FIRRM: variants seen among roughly 807,000 people sequenced by gnomAD.
FIRRM encodes FIGNL1-interacting regulator of recombination and mitosis.
At chr1:169,853,898 G>GTAAAA in the FIRRM span, 9 of 1,021,744 alleles carry the variant, frequency 8.8e-6, no homozygotes, top group Admixed American at 2.2e-5. Context: ...CTCGTACTAA[G>GTAAAA]TAAAATAACT....
the FIRRM span, chr1:169,836,988 T>C: frequency 6.9e-5 from 112 of 1,613,790 alleles, no homozygotes; most frequent in South Asian, 2.2e-4. Flanking sequence ...TGGCAACATA[T>C]TTCCTTCCAG....
At chr1:169,803,363 G>A in the FIRRM span, 8 of 1,489,932 alleles carry the variant, frequency 5.4e-6, no homozygotes, top group African/African-American at 2.8e-5. Flanking sequence ...GTGCATAGGG[G>A]CTGAGTAAAA....
At chr1:169,824,076 CT>C in the FIRRM span, among the ~76,000 whole-genome samples, 1 of 152,146 alleles carries the variant, frequency 6.6e-6, no homozygotes, top group African/African-American at 2.4e-5. Context: ...TTTTTCACAC[CT>C]TTCCTTCCTC....
At chr1:169,826,073 CTT>C in the FIRRM span, 17 of 322,516 alleles carry the variant, frequency 5.3e-5, no homozygotes, top group South Asian at 1.4e-4. Context: ...TTTAAAACAA[CTT>C]TTTTTTTCTT....
At chr1:169,830,019 A>G in the FIRRM span, among the ~76,000 whole-genome samples, 3 of 152,186 alleles carry the variant, frequency 2.0e-5, no homozygotes, top group African/African-American at 7.2e-5. Flanking sequence ...CTGAGTTATT[A>G]CATTTAAAAT....
the FIRRM span, among the ~76,000 whole-genome samples, chr1:169,841,509 A>T: frequency 1.3e-5 from 2 of 152,348 alleles, no homozygotes; most frequent in East Asian, 3.9e-4. Flanking sequence ...TTACATTCTC[A>T]TAAGACCTTC....
At chr1:169,793,401 C>T in the FIRRM span, 14 of 1,614,094 alleles carry the variant, frequency 8.7e-6, no homozygotes, top group Middle Eastern at 1.6e-4. Flanking sequence ...TCTTTGGCAG[C>T]TCTCAAGGAG....
chr1:169,793,409 G>A, the FIRRM span: 4 of 1,614,038 alleles, frequency 2.5e-6, no homozygotes, highest in African/African-American at 2.7e-5. Flanking sequence ...AGCTCTCAAG[G>A]AGGGCTGTTT....
chr1:169,797,445 A>G, the FIRRM span, among the ~76,000 whole-genome samples: 1 of 152,210 alleles, frequency 6.6e-6, no homozygotes, highest in African/African-American at 2.4e-5. Context: ...ACCCTACTGA[A>G]CTCAAATTTG....
chr1:169,847,844 ATC>A, the FIRRM span: 1 of 1,382,182 alleles, frequency 7.2e-7, no homozygotes, highest in Non-Finnish European at 1.0e-6. Flanking sequence ...TTAAAACAAA[ATC>A]TCTATAAGAG....
At chr1:169,848,925 A>G in the FIRRM span, among the ~76,000 whole-genome samples, 4 of 152,234 alleles carry the variant, frequency 2.6e-5, no homozygotes, top group African/African-American at 9.6e-5. Flanking sequence ...TGATTTATCC[A>G]TTCGGGAAAG....
chr1:169,829,136 CTA>C, the FIRRM span: 7 of 762,496 alleles, frequency 9.2e-6, no homozygotes, highest in Non-Finnish European at 1.4e-5. Flanking sequence ...GTGTTGGAAA[CTA>C]TTGCTGATTA....
At chr1:169,817,218 A>C in the FIRRM span, among the ~76,000 whole-genome samples, 5 of 152,144 alleles carry the variant, frequency 3.3e-5, no homozygotes, top group African/African-American at 1.2e-4. Context: ...TCTTCATGAG[A>C]GTCCTGAAAA....
chr1:169,852,520 C>T, the FIRRM span: 1 of 464,734 alleles, frequency 2.2e-6, no homozygotes, highest in South Asian at 2.9e-5. Flanking sequence ...CTATGCAGCA[C>T]TTCTCATTGG....
At chr1:169,812,523 T>G in the FIRRM span, among the ~76,000 whole-genome samples, 1 of 152,160 alleles carries the variant, frequency 6.6e-6, no homozygotes. Context: ...ACTTTGTGCT[T>G]TTAAATTTGC....
At chr1:169,840,110 G>A in the FIRRM span, among the ~76,000 whole-genome samples, 2 of 152,152 alleles carry the variant, frequency 1.3e-5, no homozygotes, top group South Asian at 2.1e-4. Flanking sequence ...GTATCATGAT[G>A]TTTTGGTTAC....
the FIRRM span, among the ~76,000 whole-genome samples, chr1:169,800,443 CA>C: frequency 1.3e-5 from 2 of 152,116 alleles, no homozygotes; most frequent in Admixed American, 1.3e-4. Flanking sequence ...GAAAAGATTA[CA>C]AAACATCTAA....
the FIRRM span, chr1:169,850,270 A>C: frequency 7.5e-6 from 12 of 1,605,628 alleles, no homozygotes; most frequent in Non-Finnish European, 9.4e-6. Context: ...AATAGGGAAC[A>C]AATCATGAAG....
the FIRRM span, among the ~76,000 whole-genome samples, chr1:169,848,390 T>C: frequency 6.6e-6 from 1 of 152,190 alleles, no homozygotes; most frequent in Admixed American, 6.5e-5. Flanking sequence ...CTTATTACTA[T>C]AGTCAAAATT....
Sources: allele counts gnomAD v4.1 joint callset (sites outside exome capture counted in the v4.1 genomes callset), GRCh38; gene constraint gnomAD v4.1.1; transcripts MANE v1.5; gene names NCBI Gene and HGNC (gene_info 2026-07-23, HGNC 2026-07-21).